The following TMEM135 variants were observed in gnomAD, a reference collection of about 807,000 sequenced individuals.
TMEM135 encodes peroxisomal membrane protein 52.
In TMEM135, 30 loss-of-function variants were observed where a neutral mutation model predicts 60.3. The ratio of observed to expected loss-of-function variants is 0.50; its 90% CI spans 0.37 to 0.68. TMEM135 has a LOEUF of 0.68. Among genes scored for constraint, TMEM135 ranks in the 30% least tolerant of loss-of-function variants. The probability of loss-of-function intolerance (pLI) is 0.00; values close to 1 mark genes in which losing one functional copy is unlikely to be tolerated. For missense variants in TMEM135, 468 were observed against 548.8 expected, an observed-to-expected ratio of 0.85 and a Z score of 1.47; for synonymous variants, 190 against 186.7, an observed-to-expected ratio of 1.02 and a Z score of -0.14.
At chr11:87,170,743 T>C (rs1361575146) in intron 5 of TMEM135, among the ~76,000 whole-genome samples, 1 of 151,978 alleles carries the variant, frequency 6.6e-6, no homozygotes, top group African/African-American at 2.4e-5. Flanking sequence ...CTGGGAGGTG[T>C]CTCCCAGTCA....
Position 87,280,175 on chromosome 11 carries a change from A to T in TMEM135, c.510-15607A>T, listed in dbSNP as rs1057378177. On this transcript the variant is annotated intron_variant, in intron 6 of 14. Coordinates refer to ENST00000305494, the MANE Select transcript of TMEM135 (RefSeq NM_022918.4). ...TATATGTTTAGATGGCATTAATATC[A>T]GTTGCTTTCAAAAATTCAGCGTGTA... 6.6e-5 allele frequency among the ~76,000 whole-genome samples: 10 copies of T among 152,240 alleles called. No homozygotes were observed. The East Asian group carries it at 1.9e-3, about 29-fold the overall frequency.
At chr11:87,213,378 A>G (rs1374615515) in intron 5 of TMEM135, among the ~76,000 whole-genome samples, 1 of 152,182 alleles carries the variant, frequency 6.6e-6, no homozygotes, top group Non-Finnish European at 1.5e-5. Context: ...CAGAATATCA[A>G]GCTGAATACG....
At chr11:87,173,221 C>G (rs1939285414) in intron 5 of TMEM135, among the ~76,000 whole-genome samples, 1 of 152,134 alleles carries the variant, frequency 6.6e-6, no homozygotes, top group African/African-American at 2.4e-5. Flanking sequence ...AGTGAAATCT[C>G]TGAGACTGAT....
Position 87,262,508 on chromosome 11 carries a change from G to A in TMEM135, c.509+25824G>A, listed in dbSNP as rs116956026. On this transcript the variant is annotated intron_variant, in intron 6 of 14. Coordinates refer to ENST00000305494, the MANE Select transcript of TMEM135 (RefSeq NM_022918.4). The stretch of plus-strand genomic sequence containing the variant: ...TTTTCATTGGTTTATTAGCCATTTC[G>A]ATTTCCTACCTCTACCTATTTTTTA... 5.5e-3 allele frequency among the ~76,000 whole-genome samples: 835 copies of A among 152,202 alleles called. 3 individuals are homozygous for A. Among genetic ancestry groups the A allele is most frequent in the Non-Finnish European group, 9.8e-3 (668 of 68,000 alleles).
At chr11:87,228,506 G>A (rs1272990105) in intron 5 of TMEM135, among the ~76,000 whole-genome samples, 1 of 152,128 alleles carries the variant, frequency 6.6e-6, no homozygotes, top group Non-Finnish European at 1.5e-5. Context: ...GAAGAGCAAT[G>A]AGTGTCAGTA....
At chr11:87,312,668 AT>A (rs1727051489) in intron 10 of TMEM135, among the ~76,000 whole-genome samples, 1 of 151,900 alleles carries the variant, frequency 6.6e-6, no homozygotes, top group African/African-American at 2.4e-5. Flanking sequence ...TTAGAACTTG[AT>A]GTAATTTTCA....
At chr11:87,045,408 G>A (rs140858932) in intron 1 of TMEM135, among the ~76,000 whole-genome samples, 33 of 152,176 alleles carry the variant, frequency 2.2e-4, no homozygotes, top group Admixed American at 1.6e-3. Context: ...CTAGCATGTC[G>A]CTTCCAGTTG....
At chr11:87,302,541 T>C in intron 8 of TMEM135, 99 bp downstream of exon 8, 1 of 1,462,266 alleles carries the variant, frequency 6.8e-7, no homozygotes. Flanking sequence ...CAGGTAATGA[T>C]GATCATTTTT....
At chr11:87,065,708 G>A (rs1202530386) in intron 1 of TMEM135, among the ~76,000 whole-genome samples, 2 of 152,098 alleles carry the variant, frequency 1.3e-5, no homozygotes, top group African/African-American at 4.8e-5. Flanking sequence ...TGTGAGTTGT[G>A]CTTTTGATGT....
intron 4 of TMEM135, among the ~76,000 whole-genome samples, chr11:87,127,382 A>C (rs1037930218): frequency 6.6e-6 from 1 of 152,180 alleles, no homozygotes; most frequent in Non-Finnish European, 1.5e-5. Flanking sequence ...CTGTGGGCTA[A>C]TCAAGATTCA....
chr11:87,274,803 TGTG>T (rs1941936715), intron 6 of TMEM135, among the ~76,000 whole-genome samples: 4 of 150,056 alleles, frequency 2.7e-5, no homozygotes, highest in African/African-American at 9.8e-5. Flanking sequence ...TGTGTGTGTG[TGTG>T]TGTGTGTGTG....
chr11:87,110,693 G>GT (rs1486414421), intron 4 of TMEM135, among the ~76,000 whole-genome samples: 1 of 151,890 alleles, frequency 6.6e-6, no homozygotes, highest in Non-Finnish European at 1.5e-5. Flanking sequence ...TTAAAGAAAT[G>GT]TTTTTTTCGT....
chr11:87,122,517 G>A (rs1459453452), intron 4 of TMEM135, among the ~76,000 whole-genome samples: 4 of 150,454 alleles, frequency 2.7e-5, no homozygotes, highest in Non-Finnish European at 5.9e-5. Flanking sequence ...CTGGAGTGCA[G>A]TGTCATAATC....
At chr11:87,260,891 A>G (rs145501653) in intron 6 of TMEM135, among the ~76,000 whole-genome samples, 40 of 152,294 alleles carry the variant, frequency 2.6e-4, no homozygotes, top group African/African-American at 9.4e-4. Flanking sequence ...AAGATTCAGT[A>G]GGTCTGGGGT....
intron 3 of TMEM135, among the ~76,000 whole-genome samples, chr11:87,090,118 T>TG (rs1322286748): frequency 6.6e-6 from 1 of 152,160 alleles, no homozygotes; most frequent in Non-Finnish European, 1.5e-5. Context: ...TGTATGGCAC[T>TG]GGGTGTATGG....
At position 87,319,296 on chromosome 11, in the gene TMEM135, A is replaced by G. The variant is rs1485573599; in HGVS notation, c.1177-14A>G. ...TTTATATTTACTAAAAGAATTCTCA[A>G]ATTTAATACTCAGGCTGTCATGGAA... On this transcript the variant is annotated splice_polypyrimidine_tract_variant and intron_variant, in intron 13 of 14. Coordinates refer to ENST00000305494, the MANE Select transcript of TMEM135 (RefSeq NM_022918.4). 2 of 1,606,070 alleles carry G rather than the reference A, an allele frequency of 1.2e-6. No individual in the cohort carries two copies. The highest frequency in any genetic ancestry group is 8.5e-7 in the Non-Finnish European group (1 of 1,172,890).
At chr11:87,305,759 G>A (rs1443965447) in intron 8 of TMEM135, among the ~76,000 whole-genome samples, 177 bp from the exon 9 acceptor site, 5 of 148,056 alleles carry the variant, frequency 3.4e-5, no homozygotes, top group African/African-American at 1.2e-4. Context: ...TGAGGGACAA[G>A]AGCGAGACTT....
intron 14 of TMEM135, among the ~76,000 whole-genome samples, chr11:87,320,769 T>C (rs1474979493): frequency 2.0e-5 from 3 of 152,198 alleles, no homozygotes; most frequent in African/African-American, 7.2e-5. Context: ...GGTGAGACAT[T>C]ATGATGTCAA....
chr11:87,063,479 G>A (rs1406892786), intron 1 of TMEM135, among the ~76,000 whole-genome samples: 2 of 152,214 alleles, frequency 1.3e-5, no homozygotes, highest in East Asian at 3.8e-4. Context: ...ATGAGTGCAA[G>A]TGCTATTGTA....
Sources: allele counts gnomAD v4.1 joint callset (sites outside exome capture counted in the v4.1 genomes callset), GRCh38; gene constraint gnomAD v4.1.1; transcripts MANE v1.5; gene names NCBI Gene and HGNC (gene_info 2026-07-23, HGNC 2026-07-21).